The following SGCD variants were observed in gnomAD, a reference collection of about 807,000 sequenced individuals.
SGCD encodes the protein delta-sarcoglycan.
SGCD carries 18 observed loss-of-function variants against 36.6 expected under a neutral mutation model. The observed-to-expected ratio is 0.49, with a 90% CI of 0.34 to 0.73. The LOEUF (loss-of-function observed/expected upper bound fraction) is 0.73, where lower values mean the gene tolerates loss of function less well. SGCD is among the 30% of genes least tolerant of loss of function. The pLI, the probability that SGCD is intolerant of heterozygous loss-of-function variation, is 0.01. For synonymous variants in SGCD, 133 were observed against 130.6 expected (o/e 1.02, Z -0.12); for missense variants, 387 against 346.7 (o/e 1.12, Z -0.92).
chr5:156,576,152 C>T (rs1055243173), intron 4 of SGCD, among the ~76,000 whole-genome samples: 2 of 151,886 alleles, frequency 1.3e-5, no homozygotes, highest in Admixed American at 1.3e-4. Flanking sequence ...TCATTTCCCA[C>T]CTATGAGTGA....
intron 2 of SGCD, among the ~76,000 whole-genome samples, chr5:156,119,962 G>A (rs1343274035): frequency 6.6e-6 from 1 of 152,108 alleles, no homozygotes; most frequent in Non-Finnish European, 1.5e-5. Context: ...TCTATGATTA[G>A]CACTCTCCCA....
chr5:156,457,768 G>A (rs1754322674), intron 3 of SGCD, among the ~76,000 whole-genome samples: 2 of 152,258 alleles, frequency 1.3e-5, no homozygotes, highest in South Asian at 4.1e-4. Context: ...AGTTGGTTGG[G>A]AGACATGTGT....
chr5:156,359,983 T>A (rs931249804), intron 3 of SGCD, among the ~76,000 whole-genome samples: 1 of 152,194 alleles, frequency 6.6e-6, no homozygotes, highest in African/African-American at 2.4e-5. Flanking sequence ...TCTTGGTTCA[T>A]TTTCCATTTG....
At chr5:156,311,012 G>T (rs961000292) in intron 3 of SGCD, among the ~76,000 whole-genome samples, 1 of 152,140 alleles carries the variant, frequency 6.6e-6, no homozygotes, top group African/African-American at 2.4e-5. Flanking sequence ...CTAGTTAGAG[G>T]GAACAGCATC....
chr5:155,745,278 A>C, the SGCD span, among the ~76,000 whole-genome samples: 1 of 152,240 alleles, frequency 6.6e-6, no homozygotes, highest in African/African-American at 2.4e-5. Flanking sequence ...AATGTGAGTG[A>C]GTTTAAACAT....
intron 4 of SGCD, among the ~76,000 whole-genome samples, chr5:156,588,892 C>T (rs1403526320): frequency 2.0e-5 from 3 of 151,670 alleles, no homozygotes; most frequent in Admixed American, 2.0e-4. Context: ...TTCTGTATAC[C>T]AAGACTAATA....
intron 1 of SGCD, among the ~76,000 whole-genome samples, chr5:156,039,790 G>A (rs922531114): frequency 6.6e-6 from 1 of 152,152 alleles, no homozygotes; most frequent in Non-Finnish European, 1.5e-5. Context: ...AGAAAGAGAA[G>A]TAACATATCG....
chr5:156,750,634 G>C (rs1203413874), intron 7 of SGCD, among the ~76,000 whole-genome samples: 2 of 146,642 alleles, frequency 1.4e-5, no homozygotes, highest in Non-Finnish European at 3.0e-5. Context: ...CAACAAGAGT[G>C]AAACTCTGTC....
intron 3 of SGCD, among the ~76,000 whole-genome samples, chr5:156,242,283 C>A (rs1765324676): frequency 6.6e-6 from 1 of 152,024 alleles, no homozygotes; most frequent in Non-Finnish European, 1.5e-5. Flanking sequence ...TTAAGTAATG[C>A]AATTATAGAA....
intron 3 of SGCD, among the ~76,000 whole-genome samples, chr5:156,417,495 C>T (rs1773106709): frequency 1.3e-5 from 2 of 152,206 alleles, no homozygotes; most frequent in African/African-American, 4.8e-5. Flanking sequence ...GCTGCCATAA[C>T]AAAATTCCAA....
chr5:156,078,065 AT>A (rs1386725716), intron 1 of SGCD, among the ~76,000 whole-genome samples: 4 of 152,108 alleles, frequency 2.6e-5, no homozygotes, highest in African/African-American at 9.7e-5. Context: ...TCTTTTTGTT[AT>A]CTTGTTGTAG....
chr5:156,743,083 G>A (rs1338057470), intron 7 of SGCD, among the ~76,000 whole-genome samples: 2 of 147,910 alleles, frequency 1.4e-5, no homozygotes, highest in African/African-American at 4.9e-5. Context: ...ATTCTGCAAA[G>A]CCATACCTCA....
At chr5:156,427,866 C>A (rs905799059) in intron 3 of SGCD, among the ~76,000 whole-genome samples, 4 of 151,984 alleles carry the variant, frequency 2.6e-5, no homozygotes, top group Non-Finnish European at 5.9e-5. Flanking sequence ...CTAAACCATC[C>A]CTGTATCCCT....
chr5:155,767,866 G>A, the SGCD span, among the ~76,000 whole-genome samples: 1 of 152,030 alleles, frequency 6.6e-6, no homozygotes, highest in Admixed American at 6.6e-5. Context: ...TGTACCCTTT[G>A]TGCTATTATT....
intron 3 of SGCD, among the ~76,000 whole-genome samples, chr5:156,407,581 G>A (rs184787198): frequency 1.3e-5 from 2 of 152,044 alleles, no homozygotes; most frequent in Non-Finnish European, 2.9e-5. Flanking sequence ...AGAACTTGAA[G>A]GAAAAAAAAT....
chr5:156,651,064 G>A (rs1763440874), intron 7 of SGCD, among the ~76,000 whole-genome samples: 1 of 152,018 alleles, frequency 6.6e-6, no homozygotes. Context: ...GTGGTGTGCA[G>A]CATTTTTCAT....
intron 2 of SGCD, among the ~76,000 whole-genome samples, chr5:156,343,865 A>G (rs938546211): frequency 6.6e-6 from 1 of 152,154 alleles, no homozygotes; most frequent in East Asian, 1.9e-4. Context: ...ACTCACAAAG[A>G]CTAACTCAGG....
At chr5:156,564,693 T>G (rs1280191241) in intron 4 of SGCD, among the ~76,000 whole-genome samples, 1 of 152,104 alleles carries the variant, frequency 6.6e-6, no homozygotes, top group Non-Finnish European at 1.5e-5. Context: ...CTGCTTTCTA[T>G]TTCTATGAAT....
intron 3 of SGCD, among the ~76,000 whole-genome samples, chr5:156,441,979 G>C (rs1218912936): frequency 2.0e-5 from 3 of 152,154 alleles, no homozygotes; most frequent in African/African-American, 7.2e-5. Context: ...CCTTATCCAA[G>C]GAAGGAGGTA....
Sources: allele counts gnomAD v4.1 joint callset (sites outside exome capture counted in the v4.1 genomes callset), GRCh38; gene constraint gnomAD v4.1.1; transcripts MANE v1.5; gene names NCBI Gene and HGNC (gene_info 2026-07-23, HGNC 2026-07-21).